The following MICAL2 variants were observed in gnomAD, a reference collection of about 807,000 sequenced individuals.
MICAL2 encodes the protein microtubule associated monooxygenase, calponin and LIM domain containing 2.
Under a neutral mutation model 127.3 loss-of-function variants are expected in MICAL2, and 77 were observed. The observed-to-expected ratio is 0.60, with a 90% CI of 0.50 to 0.73. MICAL2 has a LOEUF of 0.73. Ranked by LOEUF, MICAL2 falls within the 30% of genes least tolerant of loss-of-function variation. The pLI is 0.00. For missense variants in MICAL2, 1,351 were observed against 1,434.4 expected (o/e 0.94, Z 0.94); for synonymous variants, 570 against 551.1 (o/e 1.03, Z -0.48).
downstream of MICAL2, chr11:12,293,809 C>G: frequency 6.2e-7 from 1 of 1,607,924 alleles, no homozygotes. Context: ...ACATCGGAAG[C>G]AACCACAGAG....
chr11:12,250,872 C>T (rs1437751265), intron 22 of MICAL2, among the ~76,000 whole-genome samples: 1 of 152,134 alleles, frequency 6.6e-6, no homozygotes, highest in African/African-American at 2.4e-5. Context: ...GGTGTCTTGC[C>T]ATCAATGCAT....
rs928619884 is a variant in MICAL2, at chr11:12,209,437, G to A, written c.590-60G>A. 3.0e-5 allele frequency: 39 copies of A among 1,314,182 alleles called. No homozygotes were observed. In the Admixed American group the frequency reaches 3.9e-4, roughly 13 times the overall value. 81.4% of individuals were successfully genotyped at this position (1,314,182 alleles called of 1,614,324 possible). A position where few individuals can be genotyped will look rare whatever the true frequency, so the allele number is the denominator to read the frequency against. On this transcript the variant is annotated intron_variant, in intron 5 of 27. Coordinates refer to ENST00000683283, the MANE Select transcript of MICAL2 (RefSeq NM_001282663.2). The stretch of plus-strand genomic sequence containing the variant: ...ATTTCTCATAGCCACCACACGGGGG[G>A]TATAATCATTCTCTTCCCACCTCTC...
chr11:12,304,495 C>T (rs1864085176), intron 29 of MICAL2, among the ~76,000 whole-genome samples: 1 of 151,992 alleles, frequency 6.6e-6, no homozygotes, highest in African/African-American at 2.4e-5. Flanking sequence ...ATTAGCCGGG[C>T]GTGGTGGCGC....
chr11:12,305,584 C>A (rs1385860419), intron 29 of MICAL2, among the ~76,000 whole-genome samples: 1 of 152,146 alleles, frequency 6.6e-6, no homozygotes, highest in Non-Finnish European at 1.5e-5. Context: ...ATGATAGAAT[C>A]ATTATAACAA....
chr11:12,324,300 C>G (rs1243306568), intron 31 of MICAL2, among the ~76,000 whole-genome samples: 1 of 152,138 alleles, frequency 6.6e-6, no homozygotes, highest in African/African-American at 2.4e-5. Context: ...CTATTCTCAG[C>G]CACCCCTCCA....
intron 16 of MICAL2, among the ~76,000 whole-genome samples, chr11:12,237,025 T>C (rs1037659900): frequency 6.6e-6 from 1 of 152,190 alleles, no homozygotes; most frequent in Non-Finnish European, 1.5e-5. Flanking sequence ...TTTTCTACTG[T>C]TTATGGTCGA....
chr11:12,215,190 G>A (rs1833307114), intron 7 of MICAL2, among the ~76,000 whole-genome samples: 2 of 152,130 alleles, frequency 1.3e-5, no homozygotes, highest in Admixed American at 6.6e-5. Context: ...GTTTTTCCAC[G>A]TTTCAGTGAA....
intron 3 of MICAL2, among the ~76,000 whole-genome samples, chr11:12,176,432 G>A (rs1024009143): frequency 9.2e-5 from 14 of 152,158 alleles, no homozygotes; most frequent in South Asian, 2.1e-4. Context: ...CCCAGCAACC[G>A]TTAATCGCCT....
chr11:12,183,127 G>A (rs1565113836), intron 3 of MICAL2, among the ~76,000 whole-genome samples: 1 of 151,574 alleles, frequency 6.6e-6, no homozygotes, highest in African/African-American at 2.4e-5. Flanking sequence ...TGGGGTGGGG[G>A]AGATGGCTTA....
chr11:12,262,805 G>T, intron 27 of MICAL2: 1 of 398,554 alleles, frequency 2.5e-6, no homozygotes, highest in Non-Finnish European at 4.5e-6. Flanking sequence ...GTCTGCCTGC[G>T]TGCATGCTTC....
At chr11:12,340,012 T>C (rs1458632636) in intron 32 of MICAL2, among the ~76,000 whole-genome samples, 2 of 152,206 alleles carry the variant, frequency 1.3e-5, no homozygotes, top group African/African-American at 4.8e-5. Context: ...TCTGCGTCGC[T>C]CACGCTGGGA....
At chr11:12,156,495 C>A (rs1478663768) in intron 2 of MICAL2, among the ~76,000 whole-genome samples, 3 of 152,162 alleles carry the variant, frequency 2.0e-5, no homozygotes, top group Non-Finnish European at 4.4e-5. Flanking sequence ...AGTACACGCT[C>A]CTCTGTTTGT....
intron 2 of MICAL2, among the ~76,000 whole-genome samples, chr11:12,286,129 A>C (rs1863824310): frequency 6.6e-6 from 1 of 150,918 alleles, no homozygotes; most frequent in South Asian, 2.1e-4. Flanking sequence ...GCTAATCCTC[A>C]AGGCCCAGCT....
Position 12,262,696 on chromosome 11 carries a change from G to C in MICAL2, c.*17+159G>C, listed in dbSNP as rs549856127. 10 of 664,010 alleles carry C rather than the reference G, an allele frequency of 1.5e-5. No homozygotes were observed. The African/African-American group carries it at 1.6e-4, about 11-fold the overall frequency. The allele number at this position is 664,010 out of a possible 1,614,324, so 41.1% of individuals were successfully genotyped here. On this transcript the variant is annotated intron_variant, in intron 27 of 27. Coordinates refer to ENST00000683283, the MANE Select transcript of MICAL2 (RefSeq NM_001282663.2). ...GCATGGTTGGCTAACAGCATGGCGGGGGGTGTTCAGCTTGAGACCCATGCC... is the reference window on the plus strand; with the variant it reads ...GCATGGTTGGCTAACAGCATGGCGGCGGGTGTTCAGCTTGAGACCCATGCC...
At chr11:12,258,800 A>C (rs1435916833) in intron 25 of MICAL2, among the ~76,000 whole-genome samples, 1 of 152,240 alleles carries the variant, frequency 6.6e-6, no homozygotes, top group East Asian at 1.9e-4. Flanking sequence ...TCTCATAAGA[A>C]GCCTGGAAGA....
At chr11:12,176,881 A>G (rs1260237760) in intron 3 of MICAL2, among the ~76,000 whole-genome samples, 2 of 152,154 alleles carry the variant, frequency 1.3e-5, no homozygotes, top group African/African-American at 2.4e-5. Context: ...TCACTCATCA[A>G]TGGACACAGG....
At chr11:12,275,503 G>C (rs1444211838), upstream of MICAL2, among the ~76,000 whole-genome samples, 1 of 152,168 alleles carries the variant, frequency 6.6e-6, no homozygotes, top group Non-Finnish European at 1.5e-5. Flanking sequence ...AAATGAAGGA[G>C]ATAGCCAGTG....
intron 32 of MICAL2, among the ~76,000 whole-genome samples, chr11:12,345,743 A>G (rs1938943783): frequency 6.6e-6 from 1 of 152,262 alleles, no homozygotes; most frequent in African/African-American, 2.4e-5. Flanking sequence ...TAAGAGCCCC[A>G]GTGAAGATGC....
At chr11:12,306,449 C>T (rs1026926457) in intron 29 of MICAL2, among the ~76,000 whole-genome samples, 2 of 152,258 alleles carry the variant, frequency 1.3e-5, no homozygotes, top group African/African-American at 2.4e-5. Context: ...CTACCAAACT[C>T]TAATTTTTTA....
Sources: allele counts gnomAD v4.1 joint callset (sites outside exome capture counted in the v4.1 genomes callset), GRCh38; gene constraint gnomAD v4.1.1; transcripts MANE v1.5; gene names NCBI Gene and HGNC (gene_info 2026-07-23, HGNC 2026-07-21).